The following PREP variants were observed in gnomAD, a reference collection of about 807,000 sequenced individuals.
PREP encodes the protein dJ355L5.1 (prolyl endopeptidase).
In PREP, 29 loss-of-function variants were observed where a neutral mutation model predicts 87.6. The observed-to-expected ratio is 0.33, with a 90% CI of 0.25 to 0.45. The LOEUF is 0.45. Ranked by LOEUF, PREP falls within the 20% of genes least tolerant of loss-of-function variation. PREP has a pLI of 1.00. For missense variants in PREP, 695 were observed against 886.5 expected (o/e 0.78, Z 2.74); for synonymous variants, 337 against 328.6 (o/e 1.03, Z -0.28).
intron 5 of PREP, among the ~76,000 whole-genome samples, chr6:105,370,530 C>T (rs1772508948): frequency 6.6e-6 from 1 of 151,972 alleles, no homozygotes; most frequent in Admixed American, 6.6e-5. Flanking sequence ...GCTCCTTTAC[C>T]CAAAGGAGTT....
chr6:105,384,174 C>T (rs184613919), intron 2 of PREP, among the ~76,000 whole-genome samples: 30 of 152,206 alleles, frequency 2.0e-4, no homozygotes, highest in Middle Eastern at 6.8e-3. Context: ...CCCCAGACCA[C>T]GGCTGGGCAG....
intron 2 of PREP, among the ~76,000 whole-genome samples, chr6:105,395,411 A>G (rs1454858596): frequency 1.3e-5 from 2 of 152,248 alleles, no homozygotes; most frequent in Non-Finnish European, 2.9e-5. Flanking sequence ...CATGGACAAC[A>G]TATTTAATCA....
chr6:105,292,411 T>A (rs760716976), intron 10 of PREP, among the ~76,000 whole-genome samples: 2 of 152,234 alleles, frequency 1.3e-5, no homozygotes, highest in Non-Finnish European at 2.9e-5. Context: ...GGTGACTAGA[T>A]GTGCCGTCAA....
At position 105,275,748 on chromosome 6, in the gene PREP, A is replaced by G. The variant is rs558437205; in HGVS notation, c.*2396T>C. Among the ~76,000 whole-genome samples the G allele has an allele frequency of 2.2e-4, 34 of 152,238 alleles. No homozygotes were observed. Among genetic ancestry groups the G allele is most frequent in the Non-Finnish European group, 4.6e-4 (31 of 68,046 alleles). On this transcript the variant is annotated 3_prime_UTR_variant, in exon 15 of 15. Coordinates refer to ENST00000652536, the MANE Select transcript of PREP (RefSeq NM_002726.5). ...ACATATATACAATGGAATATGATTTAGCCATGAAAAAGACTGAGATCCTGT... is the reference window on the plus strand; with the variant it reads ...ACATATATACAATGGAATATGATTTGGCCATGAAAAAGACTGAGATCCTGT...
chr6:105,395,529 T>C (rs12213874), intron 2 of PREP, among the ~76,000 whole-genome samples: 44,124 of 152,094 alleles, frequency 0.29, 8,099 homozygotes, highest in African/African-American at 0.53. Flanking sequence ...GTAAAGTGCC[T>C]GGCACATGGT....
rs1769877186 is a variant in PREP, at chr6:105,273,888, A to T, written c.*4256T>A. 1 of 151,732 alleles carries T rather than the reference A, an allele frequency of 6.6e-6. No individual in the cohort carries two copies. The highest frequency in any genetic ancestry group is 1.5e-5 in the Non-Finnish European group (1 of 68,106). 9.4% of individuals were successfully genotyped at this position (151,732 alleles called of 1,614,324 possible). Reference sequence around the variant, plus strand: ...GCTGCTGTCCTCACCAACCCCCAAAACGTTGCCCATTGTTTGTCCCCTCAT... The same window carrying T: ...GCTGCTGTCCTCACCAACCCCCAAATCGTTGCCCATTGTTTGTCCCCTCAT... On this transcript the variant is annotated 3_prime_UTR_variant, in exon 15 of 15. Coordinates refer to ENST00000652536, the MANE Select transcript of PREP (RefSeq NM_002726.5).
At chr6:105,346,683 G>A (rs768649346) in intron 7 of PREP, among the ~76,000 whole-genome samples, 4 of 152,162 alleles carry the variant, frequency 2.6e-5, no homozygotes, top group Non-Finnish European at 4.4e-5. Context: ...CTCTAGGCCC[G>A]TTTTAAGGAT....
At chr6:105,306,021 T>C (rs979791461) in intron 10 of PREP, among the ~76,000 whole-genome samples, 4 of 152,014 alleles carry the variant, frequency 2.6e-5, no homozygotes, top group African/African-American at 9.7e-5. Context: ...TTAAAATTTT[T>C]TGTAGAGATG....
intron 7 of PREP, among the ~76,000 whole-genome samples, chr6:105,346,186 A>G (rs1388748394): frequency 1.3e-5 from 2 of 152,150 alleles, no homozygotes; most frequent in Admixed American, 6.6e-5. Context: ...TGACTTTGCT[A>G]AGCTTTGGAC....
At chr6:105,298,309 C>T (rs2114624054) in intron 10 of PREP, 1 of 152,480 alleles carries the variant, frequency 6.6e-6, no homozygotes, top group Non-Finnish European at 1.5e-5. Flanking sequence ...GGGCTGTCCT[C>T]TAAACATGGC....
chr6:105,352,875 T>C, intron 7 of PREP, 97 bp downstream of exon 7: 1 of 1,055,316 alleles, frequency 9.5e-7, no homozygotes, highest in Non-Finnish European at 1.4e-6. Flanking sequence ...TGTGGTAGAA[T>C]GGAAGAGGGT....
At position 105,305,113 on chromosome 6, in the gene PREP, C is replaced by T. The variant is rs4946661; in HGVS notation, c.1318-16219G>A. Among the ~76,000 whole-genome samples the T allele has an allele frequency of 5.5e-3, 831 of 152,266 alleles. 23 individuals are homozygous for T. Among genetic ancestry groups the T allele is most frequent in the Admixed American group, 0.039 (590 of 15,300 alleles). ...ACTCAAAACTACAGCAGACCACTTA[C>T]TTGTTTTATTGTAAGTAGAAAAATA... is the stretch of plus-strand genomic sequence containing the variant. On this transcript the variant is annotated intron_variant, in intron 10 of 14. Transcript: ENST00000652536.
intron 10 of PREP, among the ~76,000 whole-genome samples, chr6:105,306,388 C>T (rs1390667266): frequency 6.6e-6 from 1 of 152,098 alleles, no homozygotes; most frequent in African/African-American, 2.4e-5. Flanking sequence ...AGTAATATTT[C>T]TACTACCTGG....
At chr6:105,336,016 G>A (rs1281773339) in intron 7 of PREP, among the ~76,000 whole-genome samples, 7 of 152,200 alleles carry the variant, frequency 4.6e-5, no homozygotes, top group Non-Finnish European at 1.0e-4. Flanking sequence ...CCAGAACTTC[G>A]GGAGGCCGAG....
At chr6:105,283,440 T>C (rs1426064497) in intron 12 of PREP, among the ~76,000 whole-genome samples, 3 of 152,216 alleles carry the variant, frequency 2.0e-5, no homozygotes, top group African/African-American at 7.2e-5. Context: ...CAGATCTAAT[T>C]AGATACTTGA....
intron 10 of PREP, among the ~76,000 whole-genome samples, chr6:105,295,157 C>T (rs1371158367): frequency 7.5e-6 from 1 of 132,586 alleles, no homozygotes; most frequent in African/African-American, 2.7e-5. Flanking sequence ...CAATGTTTTC[C>T]TTTTTTTTTT....
At chr6:105,340,347 G>C (rs1189660195) in intron 7 of PREP, among the ~76,000 whole-genome samples, 1 of 152,152 alleles carries the variant, frequency 6.6e-6, no homozygotes, top group Non-Finnish European at 1.5e-5. Flanking sequence ...AACTCTGAGA[G>C]ATTTTGTCAC....
intron 2 of PREP, among the ~76,000 whole-genome samples, chr6:105,391,563 TG>T (rs1207670915): frequency 1.3e-5 from 2 of 152,208 alleles, no homozygotes; most frequent in Non-Finnish European, 2.9e-5. Context: ...GGGCCACCAC[TG>T]ATCTTGAAGA....
rs1046382938 is a variant in PREP, at chr6:105,278,090, G to A, written c.*54C>T. 4.0e-5 allele frequency: 63 copies of A among 1,557,834 alleles called. No homozygotes were observed. Among genetic ancestry groups the A allele is most frequent in the Non-Finnish European group, 5.1e-5 (59 of 1,146,522 alleles). ...TGCCCAGTGGTTTCTTGGTGTCAAC[G>A]TGGGAAAGCCCTTGAGGTTTTCTGT... On this transcript the variant is annotated 3_prime_UTR_variant, in exon 15 of 15. Coordinates refer to ENST00000652536, the MANE Select transcript of PREP (RefSeq NM_002726.5). The surrounding 1 kb of genome is among the most constrained non-coding windows in gnomAD (Gnocchi z 4.2).
Sources: allele counts gnomAD v4.1 joint callset (sites outside exome capture counted in the v4.1 genomes callset), GRCh38; gene constraint gnomAD v4.1.1; non-coding constraint Gnocchi (gnomAD v3.1); transcripts MANE v1.5; gene names NCBI Gene and HGNC (gene_info 2026-07-23, HGNC 2026-07-21).